ARHGAP15: variants seen among roughly 807,000 people sequenced by gnomAD.
ARHGAP15 encodes the protein rho GTPase-activating protein 15.
In ARHGAP15, 51 loss-of-function variants were observed where a neutral mutation model predicts 63.7. The ratio of observed to expected loss-of-function variants is 0.80; its 90% CI spans 0.64 to 1.01. The LOEUF (loss-of-function observed/expected upper bound fraction) is 1.01, where lower values mean the gene tolerates loss of function less well. ARHGAP15 is among the 50% of genes least tolerant of loss of function. The pLI is 0.00. For synonymous variants in ARHGAP15, 191 were observed against 193.8 expected (o/e 0.99, Z 0.12); for missense variants, 560 against 564.6 (o/e 0.99, Z 0.08).
intron 6 of ARHGAP15, among the ~76,000 whole-genome samples, chr2:143,282,647 C>T (rs1287089452): frequency 6.6e-6 from 1 of 152,124 alleles, no homozygotes; most frequent in Non-Finnish European, 1.5e-5. Context: ...GGTGGGGACA[C>T]AGCCAAACCA....
chr2:143,469,390 T>C (rs1206738696), intron 8 of ARHGAP15, among the ~76,000 whole-genome samples: 2 of 152,186 alleles, frequency 1.3e-5, no homozygotes, highest in Non-Finnish European at 2.9e-5. Context: ...CGATGTGAGA[T>C]ACAAATACAT....
At chr2:143,168,585 C>T (rs1053142716) in intron 2 of ARHGAP15, among the ~76,000 whole-genome samples, 7 of 149,776 alleles carry the variant, frequency 4.7e-5, no homozygotes, top group African/African-American at 9.7e-5. Flanking sequence ...AAGGTGTTCT[C>T]TTGTCATCAA....
intron 8 of ARHGAP15, 114 bp from the exon 9 acceptor site, chr2:143,487,259 A>G (rs1692365834): frequency 1.6e-6 from 2 of 1,224,848 alleles, no homozygotes; most frequent in South Asian, 3.1e-5. Flanking sequence ...GAAGAGCCTG[A>G]GCTATTAATT....
intron 12 of ARHGAP15, among the ~76,000 whole-genome samples, chr2:143,662,785 C>T (rs1359563055): frequency 7.6e-5 from 8 of 105,114 alleles, no homozygotes; most frequent in African/African-American, 1.4e-4. Flanking sequence ...CCTCAGGAGC[C>T]GATGCGATCA....
intron 2 of ARHGAP15, among the ~76,000 whole-genome samples, chr2:143,187,760 A>G (rs1691506599): frequency 1.3e-5 from 2 of 152,240 alleles, no homozygotes; most frequent in African/African-American, 4.8e-5. Context: ...TCTGATAAGG[A>G]AGTGGGACTT....
chr2:143,538,277 G>C (rs997943505), intron 10 of ARHGAP15, among the ~76,000 whole-genome samples: 4 of 152,126 alleles, frequency 2.6e-5, no homozygotes, highest in African/African-American at 9.7e-5. Flanking sequence ...AGGAGATTTT[G>C]GGCTGAGACA....
rs1574555308 is a variant in ARHGAP15 at position 143,511,025 on chromosome 2, T to TC, written c.827-8238dup. 3.3e-5 allele frequency among the ~76,000 whole-genome samples: 5 copies of TC among 152,358 alleles called. No individual in the cohort carries two copies. In the South Asian group the frequency reaches 1.0e-3, roughly 32 times the overall value. On this transcript the variant is annotated intron_variant, in intron 9 of 13. Transcript: ENST00000295095. Reference sequence around the variant, plus strand: ...TCATTTGGAATCTGACTGACAGAGATCCCATTACTGGGTGTTCTTTCCATA... The same window carrying TC: ...TCATTTGGAATCTGACTGACAGAGATCCCCATTACTGGGTGTTCTTTCCATA...
intron 9 of ARHGAP15, among the ~76,000 whole-genome samples, chr2:143,490,623 G>A (rs920362317): frequency 3.3e-5 from 5 of 151,640 alleles, no homozygotes; most frequent in African/African-American, 1.2e-4. Context: ...TTATTTATTT[G>A]TTTGTTTATT....
intron 13 of ARHGAP15, among the ~76,000 whole-genome samples, chr2:143,755,284 G>T (rs1256167133): frequency 1.4e-5 from 2 of 147,542 alleles, no homozygotes; most frequent in East Asian, 4.2e-4. Flanking sequence ...TGGGGGGGGG[G>T]GATCTATACC....
At chr2:143,158,395 A>C (rs1313030086) in intron 2 of ARHGAP15, among the ~76,000 whole-genome samples, 4 of 152,052 alleles carry the variant, frequency 2.6e-5, no homozygotes, top group Admixed American at 2.6e-4. Context: ...ACGTAGGTGA[A>C]TTTACTTGCT....
chr2:143,445,376 A>G (rs1690089673), intron 8 of ARHGAP15, among the ~76,000 whole-genome samples: 1 of 151,880 alleles, frequency 6.6e-6, no homozygotes. Flanking sequence ...TTGGCCAGGC[A>G]GGTATCGACC....
chr2:143,336,755 A>G (rs1220458224), intron 6 of ARHGAP15, among the ~76,000 whole-genome samples: 2 of 152,152 alleles, frequency 1.3e-5, no homozygotes, highest in East Asian at 1.9e-4. Context: ...GAGAAGTCAT[A>G]TATTTAGTCA....
chr2:143,366,006 T>C (rs72997692), intron 6 of ARHGAP15, among the ~76,000 whole-genome samples: 2,063 of 152,306 alleles, frequency 0.014, 46 homozygotes, highest in African/African-American at 0.047. Flanking sequence ...TATTCTAAAA[T>C]ATTTTTTGAA....
chr2:143,154,424 C>T (rs1317036850), intron 1 of ARHGAP15, among the ~76,000 whole-genome samples: 1 of 151,902 alleles, frequency 6.6e-6, no homozygotes, highest in Non-Finnish European at 1.5e-5. Flanking sequence ...TGGCTATACA[C>T]TTGCCTCCTT....
At chr2:143,382,591 G>A (rs919360211) in intron 6 of ARHGAP15, among the ~76,000 whole-genome samples, 8 of 151,996 alleles carry the variant, frequency 5.3e-5, no homozygotes, top group African/African-American at 9.7e-5. Flanking sequence ...ATCCAAATCC[G>A]GTCACCTTCT....
chr2:143,337,665 T>G (rs1684868345), intron 6 of ARHGAP15, among the ~76,000 whole-genome samples: 2 of 152,146 alleles, frequency 1.3e-5, no homozygotes, highest in Admixed American at 6.6e-5. Flanking sequence ...TTCGTACTTT[T>G]GGGATCACAG....
chr2:143,686,474 A>G (rs1317503209), intron 12 of ARHGAP15, among the ~76,000 whole-genome samples: 1 of 148,920 alleles, frequency 6.7e-6, no homozygotes, highest in Non-Finnish European at 1.5e-5. Context: ...AAGGAATCCC[A>G]CTGTAATATG....
At chr2:143,231,284 TAGTACACAATAGAG>T (rs1483858979) in intron 5 of ARHGAP15, among the ~76,000 whole-genome samples, 2 of 152,148 alleles carry the variant, frequency 1.3e-5, no homozygotes, top group Admixed American at 1.3e-4. Context: ...ACATATTCTA[TAGTACACAATAGAG>T]AGTATAATTA....
chr2:143,279,215 G>C (rs1279380232), intron 6 of ARHGAP15, among the ~76,000 whole-genome samples: 1 of 152,058 alleles, frequency 6.6e-6, no homozygotes, highest in Non-Finnish European at 1.5e-5. Flanking sequence ...CACACTTCTA[G>C]AATTTTTTCC....
Sources: gnomAD v4.1 joint callset for allele counts (sites outside exome capture counted in the v4.1 genomes callset) on GRCh38, gnomAD v4.1.1 for gene constraint, MANE v1.5 for transcripts, NCBI Gene and HGNC (gene_info 2026-07-23, HGNC 2026-07-21) for gene names.